Variants in NUP93 observed in about 807,000 individuals in gnomAD.
NUP93 encodes the protein nuclear pore complex protein Nup93.
Under a neutral mutation model 107.8 loss-of-function variants are expected in NUP93, and 55 were observed. The observed-to-expected ratio is 0.51, with a 90% CI of 0.41 to 0.64. NUP93 has a LOEUF of 0.64. NUP93 is among the 30% of genes least tolerant of loss of function. The probability of loss-of-function intolerance (pLI) is 0.00; values close to 1 mark genes in which losing one functional copy is unlikely to be tolerated. For missense variants in NUP93, 937 were observed against 1,044.7 expected (o/e 0.90, Z 1.42); for synonymous variants, 390 against 397.5 (o/e 0.98, Z 0.22).
At chr16:56,740,878 G>A in intron 1 of NUP93, 1 of 199,484 alleles carries the variant, frequency 5.0e-6, no homozygotes, top group Non-Finnish European at 1.0e-5. Flanking sequence ...AGTCAGGCGT[G>A]GCGGCGCGAG....
intron 5 of NUP93, among the ~76,000 whole-genome samples, chr16:56,814,323 C>G (rs1368436052): frequency 7.2e-5 from 11 of 152,104 alleles, no homozygotes; most frequent in Non-Finnish European, 1.6e-4. Flanking sequence ...ATAGCTGGGA[C>G]TACAGGCGCG....
intron 2 of NUP93, among the ~76,000 whole-genome samples, chr16:56,755,400 A>G (rs1268095922): frequency 6.6e-6 from 1 of 151,314 alleles, no homozygotes; most frequent in African/African-American, 2.4e-5. Context: ...TTTATGAGCA[A>G]TGTCCAGAAT....
chr16:56,827,069 A>AAAAAAAAT (rs1430722800), intron 8 of NUP93, among the ~76,000 whole-genome samples: 55 of 125,306 alleles, frequency 4.4e-4, no homozygotes, highest in Non-Finnish European at 7.0e-4. Context: ...AAAAAAAAAA[A>AAAAAAAAT]TTTTGTTGAG....
At chr16:56,823,924 C>G in intron 8 of NUP93, 78 bp downstream of exon 8, 2 of 1,542,114 alleles carry the variant, frequency 1.3e-6, no homozygotes, top group Non-Finnish European at 1.8e-6. Flanking sequence ...AAGTTGTCCT[C>G]AGGCTAGGTG....
intron 3 of NUP93, among the ~76,000 whole-genome samples, chr16:56,769,135 A>G (rs1042097162): frequency 1.2e-4 from 19 of 152,320 alleles, no homozygotes; most frequent in African/African-American, 4.6e-4. Flanking sequence ...GCTGCCTAGG[A>G]TTTAAATTGC....
chr16:56,790,833 G>A (rs1962745569), intron 3 of NUP93, among the ~76,000 whole-genome samples: 1 of 152,120 alleles, frequency 6.6e-6, no homozygotes, highest in Non-Finnish European at 1.5e-5. Context: ...TGGACTTCTT[G>A]TTTTATCTTG....
chr16:56,817,277 GACACTC>G (rs1178331594), intron 5 of NUP93, among the ~76,000 whole-genome samples: 199 of 152,216 alleles, frequency 1.3e-3, no homozygotes, highest in African/African-American at 4.7e-3. Flanking sequence ...AGGCATCCTT[GACACTC>G]CAGTGTTCAT....
chr16:56,813,282 G>A (rs999363560), intron 5 of NUP93, among the ~76,000 whole-genome samples: 7 of 152,100 alleles, frequency 4.6e-5, no homozygotes, highest in Non-Finnish European at 1.0e-4. Flanking sequence ...CTTAAATTCA[G>A]CAGTATATCA....
intron 3 of NUP93, among the ~76,000 whole-genome samples, chr16:56,780,357 T>C (rs913174163): frequency 1.3e-5 from 2 of 152,222 alleles, no homozygotes; most frequent in African/African-American, 2.4e-5. Context: ...ATGCATTTGG[T>C]GTTATCACAA....
At chr16:56,781,914 C>T (rs1450495844) in intron 3 of NUP93, 7 of 985,124 alleles carry the variant, frequency 7.1e-6, no homozygotes, top group African/African-American at 1.7e-5. Context: ...TGCTGTGCTC[C>T]GGGGGCTGCA....
chr16:56,812,843 G>A (rs528596718), intron 5 of NUP93, among the ~76,000 whole-genome samples: 16 of 152,320 alleles, frequency 1.1e-4, no homozygotes, highest in Middle Eastern at 3.4e-3. Flanking sequence ...CCCTGGCTAC[G>A]AATCCTCACG....
chr16:56,830,721 A>G (rs1963766515), intron 10 of NUP93, 36 bp downstream of exon 10: 20 of 1,486,570 alleles, frequency 1.3e-5, no homozygotes, highest in Non-Finnish European at 1.5e-5. Context: ...AGGGGCAGCC[A>G]TGCAGAATCA....
Position 56,831,741 on chromosome 16 carries a change from G to C in NUP93, c.1086-101G>C, listed in dbSNP as rs1179705766. Reference sequence around the variant, plus strand: ...TGTCTCTTACCCCGGATGAAGGAAGGCTTCCCTGCTTTTATGTGTTTGGGA... The same window carrying C: ...TGTCTCTTACCCCGGATGAAGGAAGCCTTCCCTGCTTTTATGTGTTTGGGA... On this transcript the variant is annotated intron_variant, in intron 10 of 21. Coordinates refer to ENST00000308159, the MANE Select transcript of NUP93 (RefSeq NM_014669.5). The C allele has an allele frequency of 6.6e-6, 8 of 1,213,398 alleles. No homozygotes were observed. The Admixed American group carries it at 1.3e-4, about 20-fold the overall frequency. The allele number at this position is 1,213,398 out of a possible 1,614,324, so 75.2% of individuals were successfully genotyped here.
intron 3 of NUP93, among the ~76,000 whole-genome samples, chr16:56,780,712 A>G (rs556239312): frequency 5.3e-4 from 80 of 152,348 alleles, no homozygotes; most frequent in Middle Eastern, 6.8e-3. Context: ...GTTAATATTT[A>G]TATAAAAATA....
At chr16:56,827,332 G>C (rs1192879643) in intron 8 of NUP93, among the ~76,000 whole-genome samples, 1 of 152,076 alleles carries the variant, frequency 6.6e-6, no homozygotes, top group East Asian at 1.9e-4. Flanking sequence ...GGGAATGGTA[G>C]AAAAATCATC....
intron 10 of NUP93, among the ~76,000 whole-genome samples, chr16:56,831,016 TAA>T (rs1963774020): frequency 6.6e-6 from 1 of 152,212 alleles, no homozygotes; most frequent in African/African-American, 2.4e-5. Context: ...TGGGACTTTT[TAA>T]AAGTTACACT....
chr16:56,840,165 TGC>T (rs1372668493), intron 20 of NUP93, among the ~76,000 whole-genome samples: 6 of 152,080 alleles, frequency 3.9e-5, no homozygotes, highest in African/African-American at 1.4e-4. Context: ...GGACTACAGG[TGC>T]CCGCCAACAC....
At chr16:56,842,618 T>C (rs1284093620) in intron 21 of NUP93, 2 of 450,916 alleles carry the variant, frequency 4.4e-6, no homozygotes, top group Non-Finnish European at 8.9e-6. Flanking sequence ...AATGACACGA[T>C]CTCAGCTCAC....
intron 1 of NUP93, among the ~76,000 whole-genome samples, chr16:56,744,505 CTT>C (rs377512337): frequency 1.3e-5 from 2 of 152,240 alleles, no homozygotes; most frequent in African/African-American, 4.8e-5. Context: ...TTTAATAAAA[CTT>C]TTTTGTATAA....
Sources: gnomAD v4.1 joint callset for allele counts (sites outside exome capture counted in the v4.1 genomes callset) on GRCh38, gnomAD v4.1.1 for gene constraint, MANE v1.5 for transcripts, NCBI Gene and HGNC (gene_info 2026-07-23, HGNC 2026-07-21) for gene names.